DCDC2C: variants seen among roughly 807,000 people sequenced by gnomAD.
DCDC2C encodes the protein doublecortin domain containing 2C.
DCDC2C carries 44 observed loss-of-function variants against 45.0 expected under a neutral mutation model. The observed-to-expected ratio is 0.98, with a 90% CI of 0.77 to 1.26. The LOEUF is 1.26. Ranked by LOEUF, DCDC2C falls within the 50% of genes most tolerant of loss-of-function variation. The probability of loss-of-function intolerance (pLI) is 0.00; values close to 1 mark genes in which losing one functional copy is unlikely to be tolerated. For synonymous variants in DCDC2C, 187 were observed against 178.8 expected (o/e 1.05, Z -0.37); for missense variants, 447 against 468.9 (o/e 0.95, Z 0.43).
intron 2 of DCDC2C, among the ~76,000 whole-genome samples, chr2:3,725,735 G>A (rs1668649622): frequency 7.3e-6 from 1 of 137,692 alleles, no homozygotes; most frequent in Non-Finnish European, 1.6e-5. Context: ...CTGGCCAGGT[G>A]GATCCCGGAG....
chr2:3,755,321 A>G (rs542911048), intron 6 of DCDC2C, among the ~76,000 whole-genome samples: 2 of 148,656 alleles, frequency 1.3e-5, no homozygotes, highest in Admixed American at 6.9e-5. Flanking sequence ...ACATGTTTGC[A>G]TACGTGCACA....
chr2:3,755,790 G>A (rs1669695902), intron 6 of DCDC2C, among the ~76,000 whole-genome samples: 1 of 151,942 alleles, frequency 6.6e-6, no homozygotes, highest in African/African-American at 2.4e-5. Flanking sequence ...ATGTTTGGAG[G>A]TGTGTATATG....
intron 1 of DCDC2C, among the ~76,000 whole-genome samples, chr2:3,707,731 G>A (rs1052181023): frequency 2.6e-5 from 4 of 152,206 alleles, no homozygotes; most frequent in Non-Finnish European, 5.9e-5. Context: ...ACCAGTCCCT[G>A]AGACCACCCT....
intron 6 of DCDC2C, among the ~76,000 whole-genome samples, chr2:3,757,405 T>C (rs1669750809): frequency 6.6e-6 from 1 of 152,182 alleles, no homozygotes; most frequent in African/African-American, 2.4e-5. Flanking sequence ...CATCAGCCAA[T>C]CAAAGTATCA....
At chr2:3,838,657 C>T (rs900748196) in intron 10 of DCDC2C, among the ~76,000 whole-genome samples, 2 of 152,126 alleles carry the variant, frequency 1.3e-5, no homozygotes, top group African/African-American at 4.8e-5. Context: ...GTGGTGGGTG[C>T]AAGAACGGCC....
intron 10 of DCDC2C, among the ~76,000 whole-genome samples, chr2:3,805,316 C>T (rs1054316213): frequency 1.3e-5 from 2 of 152,214 alleles, no homozygotes; most frequent in African/African-American, 4.8e-5. Flanking sequence ...ATGAGTCCGA[C>T]CCCTGGTGGT....
At chr2:3,826,870 C>G (rs1408507744) in intron 10 of DCDC2C, among the ~76,000 whole-genome samples, 1 of 152,140 alleles carries the variant, frequency 6.6e-6, no homozygotes, top group African/African-American at 2.4e-5. Context: ...TGCATTGCAT[C>G]TCTGTGGCCT....
chr2:3,768,148 G>T (rs191186512), intron 7 of DCDC2C, among the ~76,000 whole-genome samples: 4 of 152,212 alleles, frequency 2.6e-5, no homozygotes, highest in African/African-American at 9.6e-5. Context: ...CACCAGGACT[G>T]AGTATCTTCT....
intron 8 of DCDC2C, among the ~76,000 whole-genome samples, chr2:3,771,916 G>A (rs866808250): frequency 2.6e-5 from 4 of 152,172 alleles, no homozygotes; most frequent in South Asian, 4.1e-4. Flanking sequence ...AGTGAAGGAC[G>A]GTTTGGCCCT....
chr2:3,766,310 G>GCGCACACA (rs1553275847), intron 6 of DCDC2C, among the ~76,000 whole-genome samples: 19 of 146,154 alleles, frequency 1.3e-4, no homozygotes, highest in African/African-American at 4.2e-4. Flanking sequence ...ACACACACAC[G>GCGCACACA]CACACACACA....
intron 2 of DCDC2C, among the ~76,000 whole-genome samples, chr2:3,714,160 T>C (rs1235865370): frequency 2.0e-5 from 3 of 152,218 alleles, no homozygotes; most frequent in Non-Finnish European, 4.4e-5. Flanking sequence ...GAGATTTTGA[T>C]TTATGTAGAA....
intron 4 of DCDC2C, among the ~76,000 whole-genome samples, chr2:3,750,288 A>G (rs1669507011): frequency 6.6e-6 from 1 of 152,102 alleles, no homozygotes; most frequent in East Asian, 1.9e-4. Context: ...TATGATGAAT[A>G]TGTTTTCTTT....
intron 3 of DCDC2C, among the ~76,000 whole-genome samples, chr2:3,733,734 C>T (rs1183974330): frequency 6.6e-6 from 1 of 152,134 alleles, no homozygotes; most frequent in Non-Finnish European, 1.5e-5. Context: ...GAACCTAAGC[C>T]CCCTCGTGAT....
chr2:3,729,557 C>T (rs1172997255), intron 3 of DCDC2C, among the ~76,000 whole-genome samples: 4 of 152,156 alleles, frequency 2.6e-5, no homozygotes, highest in African/African-American at 9.7e-5. Flanking sequence ...AAGAGTTGGT[C>T]AGTGAAGGTG....
intron 8 of DCDC2C, among the ~76,000 whole-genome samples, chr2:3,776,315 G>C (rs1670335416): frequency 6.6e-6 from 1 of 152,112 alleles, no homozygotes; most frequent in African/African-American, 2.4e-5. Flanking sequence ...CTCATGCGTG[G>C]AGCTGGTCTG....
intron 4 of DCDC2C, among the ~76,000 whole-genome samples, chr2:3,749,039 T>C (rs755809577): frequency 6.6e-6 from 1 of 152,202 alleles, no homozygotes; most frequent in East Asian, 1.9e-4. Flanking sequence ...ATAAATATTT[T>C]AAAATTCTTG....
chr2:3,835,714 AT>A (rs1369720840), intron 10 of DCDC2C, among the ~76,000 whole-genome samples: 1 of 152,076 alleles, frequency 6.6e-6, no homozygotes, highest in Non-Finnish European at 1.5e-5. Flanking sequence ...CTTGAGTCTC[AT>A]TTTTTATATT....
intron 10 of DCDC2C, among the ~76,000 whole-genome samples, chr2:3,825,993 G>A (rs1671807299): frequency 6.6e-6 from 1 of 152,176 alleles, no homozygotes; most frequent in Non-Finnish European, 1.5e-5. Context: ...GATGGTTTCT[G>A]TTTCAGGAAA....
chr2:3,718,691 C>G (rs1668413397), intron 2 of DCDC2C, among the ~76,000 whole-genome samples: 1 of 152,208 alleles, frequency 6.6e-6, no homozygotes, highest in African/African-American at 2.4e-5. Context: ...AGCATACACT[C>G]TGAAACAAGC....
Sources: gnomAD v4.1 joint callset for allele counts (sites outside exome capture counted in the v4.1 genomes callset) on GRCh38, gnomAD v4.1.1 for gene constraint, MANE v1.5 for transcripts, NCBI Gene and HGNC (gene_info 2026-07-23, HGNC 2026-07-21) for gene names.